ITIH3: variants seen among roughly 807,000 people sequenced by gnomAD.
ITIH3 encodes the protein inter-alpha-trypsin inhibitor heavy chain H3.
A neutral mutation model predicts 96.5 loss-of-function variants in ITIH3; 81 were observed. That is an observed-to-expected ratio of 0.84 (90% CI 0.70 to 1.01). The LOEUF (loss-of-function observed/expected upper bound fraction) is 1.01. ITIH3 is among the 50% of genes least tolerant of loss of function. The pLI, the probability that ITIH3 is intolerant of heterozygous loss-of-function variation, is 0.00. For missense variants in ITIH3, 1,057 were observed against 1,139.3 expected, an observed-to-expected ratio of 0.93 and a Z score of 1.04; for synonymous variants, 422 against 445.2, an observed-to-expected ratio of 0.95 and a Z score of 0.66.
In ITIH3 at chr3:52,798,988, G is replaced by T; in HGVS notation, c.686G>T (p.Ser229Ile). Residue 229 changes from serine (S) to isoleucine (I), a missense_variant, in exon 7 of 22, where the codon AGC becomes ATC. Coordinates refer to ENST00000449956, the MANE Select transcript of ITIH3 (RefSeq NM_002217.4). Reference sequence around the variant, plus strand: ...TAGGGCCATGTGTCCTTCAAGCCCAGCTTAGACCAACAGCGTTCATGCCCA... The same window carrying T: ...TAGGGCCATGTGTCCTTCAAGCCCATCTTAGACCAACAGCGTTCATGCCCA... ...GKKGHVSFKP[S>I]LDQQRSCPTC... 1.2e-6 allele frequency: 2 copies of T among 1,613,518 alleles called. No homozygotes were observed. The highest frequency in any genetic ancestry group is 1.7e-6 in the Non-Finnish European group (2 of 1,179,704).
At chr3:52,807,201 T>C (rs1249083996) in intron 19 of ITIH3, 96 bp downstream of exon 19, 5 of 1,088,232 alleles carry the variant, frequency 4.6e-6, no homozygotes, top group Non-Finnish European at 5.3e-6. Flanking sequence ...AGGAGATCCA[T>C]GGGGGTCACA....
intron 15 of ITIH3, 182 bp downstream of exon 15, chr3:52,804,916 G>A (rs9311482): frequency 0.034 from 22,760 of 668,440 alleles, 1,898 homozygotes; most frequent in African/African-American, 0.22. Context: ...GGATCCCTGT[G>A]AGTTAATTGG....
intron 11 of ITIH3, among the ~76,000 whole-genome samples, chr3:52,801,649 T>A (rs1329616707): frequency 6.6e-6 from 1 of 152,192 alleles, no homozygotes; most frequent in Non-Finnish European, 1.5e-5. Flanking sequence ...TCTGCACATG[T>A]CTTCCCTCTG....
At chr3:52,795,494 G>A in intron 1 of ITIH3, 109 bp from the exon 2 acceptor site, 3 of 1,173,566 alleles carry the variant, frequency 2.6e-6, no homozygotes, top group Non-Finnish European at 3.7e-6. Flanking sequence ...TGTGTGGGGG[G>A]CAGGGCACCA....
intron 16 of ITIH3, 96 bp downstream of exon 16, chr3:52,805,936 A>G: frequency 6.5e-7 from 1 of 1,541,282 alleles, no homozygotes; most frequent in Non-Finnish European, 8.9e-7. Flanking sequence ...GCTCTCCGGG[A>G]TGGGCAGATG....
At chr3:52,808,300 C>A in intron 21 of ITIH3, 79 bp downstream of exon 21, 1 of 1,268,730 alleles carries the variant, frequency 7.9e-7, no homozygotes. Context: ...GCACATTAGT[C>A]TGGTGGGCTT....
At position 52,800,237 on chromosome 3, in the gene ITIH3, C is replaced by A. The variant is rs1578755321; in HGVS notation, c.1076-301C>A. 1.7e-5 allele frequency: 9 copies of A among 532,146 alleles called. No individual in the cohort carries two copies. The East Asian group carries it at 2.9e-4, about 17-fold the overall frequency. The allele number at this position is 532,146 out of a possible 1,614,324, so 33.0% of individuals were successfully genotyped here. On this transcript the variant is annotated intron_variant, in intron 9 of 21. Transcript: ENST00000449956. ...AAAATGGCACGATGTCTACACTGCT[C>A]CCCTCTCCTCCCAGCAAGAGGTACT...
chr3:52,801,034 A>T lies in ITIH3; in HGVS notation c.1271A>T (p.Asn424Ile). ...NAIGGKFPLY[N>I]LGFGNNLNYN... ...ATCGGGGGCAAGTTCCCCTTGTATA[A>T]CCTGGGCTTTGGCAACAATCTGAAT... Residue 424 changes from asparagine to isoleucine, a missense_variant, in exon 11 of 22, where the codon AAC (asparagine) becomes ATC (isoleucine). Physicochemically the swap from Asn to Ile is moderately radical, Grantham distance 149. Transcript: ENST00000449956. 1 of 1,614,020 alleles carries T rather than the reference A, an allele frequency of 6.2e-7. No homozygotes were observed. Among genetic ancestry groups the T allele is most frequent in the Non-Finnish European group, 8.5e-7 (1 of 1,179,880 alleles).
chr3:52,800,659 T>G lies in ITIH3; in HGVS notation c.1197T>G (p.Asn399Lys), dbSNP rs770113157. Residue 399 changes from asparagine (N) to lysine (K), a missense_variant, in exon 10 of 22, where the codon AAT (asparagine) becomes AAG (lysine). Physicochemically the swap from Asn to Lys is moderately conservative, Grantham distance 94 (BLOSUM62 0). Transcript: ENST00000449956. ...TCATGCTGACTGATGGGGATGCCAA[T>G]GTTGGTGAGGAGCACGGGCATGGTT... ...IVIMLTDGDA[N>K]VGESRPEKIQ... The G allele has an allele frequency of 1.1e-5, 17 of 1,598,460 alleles. No individual in the cohort carries two copies. Among genetic ancestry groups the G allele is most frequent in the Non-Finnish European group, 6.8e-6 (8 of 1,172,768 alleles).
chr3:52,807,227 C>T (rs1700090993), intron 19 of ITIH3, 122 bp downstream of exon 19: 1 of 881,644 alleles, frequency 1.1e-6, no homozygotes, highest in African/African-American at 1.7e-5. Context: ...GATCAGAGAC[C>T]CCAGAATCCA....
intron 1 of ITIH3, 57 bp from the exon 2 acceptor site, chr3:52,795,546 G>C: frequency 6.4e-7 from 1 of 1,574,508 alleles, no homozygotes; most frequent in African/African-American, 1.3e-5. Flanking sequence ...AGGCCATGCG[G>C]CCTTGGTGTT....
chr3:52,807,610 G>A (rs1463531512), intron 19 of ITIH3, 137 bp from the exon 20 acceptor site: 4 of 728,062 alleles, frequency 5.5e-6, no homozygotes, highest in East Asian at 2.7e-5. Context: ...TCTTTCCAAC[G>A]CCCCTGAGAT....
rs775707055 is a variant in ITIH3, at chr3:52,800,547, T to A, written c.1085T>A (p.Ile362Asn). Residue 362 changes from isoleucine (I) to asparagine (N), a missense_variant, in exon 10 of 22, where the codon ATC becomes AAC. Transcript: ENST00000449956. ...KSMEDKGMTN[I>N]NDGLLRGISM... ...TCTGTCTGTGTCCCAGTGACCAACA[T>A]CAATGACGGGCTGCTGAGGGGCATC... is the stretch of plus-strand genomic sequence containing the variant. The A allele has an allele frequency of 6.4e-7, 1 of 1,554,866 alleles. No homozygotes were observed.
In ITIH3 at chr3:52,798,853, C is replaced by G. The variant is rs865803805; in HGVS notation, c.664-113C>G. 4 of 1,359,770 alleles carry G rather than the reference C, an allele frequency of 2.9e-6. No individual in the cohort carries two copies. The South Asian group carries it at 4.0e-5, about 14-fold the overall frequency. The allele number at this position is 1,359,770 out of a possible 1,614,324, so 84.2% of individuals were successfully genotyped here. A position where few individuals can be genotyped will look rare whatever the true frequency, so the allele number is the denominator to read the frequency against. Reference sequence around the variant, plus strand: ...CCAGCTCTTGCTAGCCTCTGCCCTGCCAAGGGCTCCTCCCTGTGAGGCTGC... The same window carrying G: ...CCAGCTCTTGCTAGCCTCTGCCCTGGCAAGGGCTCCTCCCTGTGAGGCTGC... On this transcript the variant is annotated intron_variant, in intron 6 of 21. Transcript: ENST00000449956.
At position 52,807,910 on chromosome 3, in the gene ITIH3, CT is replaced by C; in HGVS notation, c.2426del (p.Leu809ArgfsTer31). On this transcript the variant is annotated frameshift_variant, in exon 20 of 22. Transcript: ENST00000449956. LOFTEE classifies it high-confidence loss of function. ...CCGGATGTCAGCACAGACGCATGGGCTGCTGGGTACGAAGTGTTCAGACTGC... is the reference window on the plus strand; with the variant it reads ...CCGGATGTCAGCACAGACGCATGGGCGCTGGGTACGAAGTGTTCAGACTGC... ...SHRMSAQTHG[L>X]LGQFFQPFDF... is the part of the protein sequence containing the mutation. The C allele has an allele frequency of 6.2e-7, 1 of 1,612,382 alleles. No individual in the cohort carries two copies. The highest frequency in any genetic ancestry group is 2.2e-5 in the East Asian group (1 of 44,878).
chr3:52,806,798 C>A (rs1700066678), intron 18 of ITIH3, 103 bp from the exon 19 acceptor site: 1 of 906,700 alleles, frequency 1.1e-6, no homozygotes, highest in Non-Finnish European at 1.7e-6. Flanking sequence ...CCCCGCTCTG[C>A]TGCCCCTCAG....
rs1700046936 is a variant in ITIH3 at position 52,806,350 on chromosome 3, T to C, written c.2000T>C (p.Phe667Ser). The C allele has an allele frequency of 6.2e-7, 1 of 1,613,822 alleles. No homozygotes were observed. The highest frequency in any genetic ancestry group is 8.5e-7 in the Non-Finnish European group (1 of 1,179,864). ...QIPEKDDALC[F>S]NIDEAPGTVL... Reference sequence around the variant, plus strand: ...CCGGAGAAAGACGATGCCCTCTGCTTCAACATCGATGAAGCCCCAGGCACA... The same window carrying C: ...CCGGAGAAAGACGATGCCCTCTGCTCCAACATCGATGAAGCCCCAGGCACA... The change falls in exon 18 of 22, where the codon TTC becomes TCC. Residue 667 changes from phenylalanine (F) to serine (S), a missense_variant. Phe to Ser is a radical substitution (Grantham distance 155). Transcript: ENST00000449956.
Position 52,805,840 on chromosome 3 carries a change from A to C in ITIH3, c.1906A>C (p.Thr636Pro). The C allele has an allele frequency of 6.2e-7, 1 of 1,613,726 alleles. No individual in the cohort carries two copies. Among genetic ancestry groups the C allele is most frequent in the Non-Finnish European group, 8.5e-7 (1 of 1,179,740 alleles). ...GGTGAGCCCCGCCATGTCCTACCTGAGTGAGTACATGCTGGCAGCTGCCAC... is the reference window on the plus strand; with the variant it reads ...GGTGAGCCCCGCCATGTCCTACCTGCGTGAGTACATGCTGGCAGCTGCCAC... ...TPVSPAMSYL[T>P]SYQPPQNPYY... Residue 636 changes from threonine to proline, a missense_variant and splice_region_variant, in exon 16 of 22, where the codon ACC becomes CCC. Physicochemically the swap from Thr to Pro is conservative, Grantham distance 38. Coordinates refer to ENST00000449956, the MANE Select transcript of ITIH3 (RefSeq NM_002217.4).
intron 19 of ITIH3, among the ~76,000 whole-genome samples, chr3:52,807,416 C>G (rs1700097857): frequency 6.6e-6 from 1 of 152,318 alleles, no homozygotes; most frequent in Middle Eastern, 3.4e-3. Context: ...GTCTTCAGAT[C>G]CCCCAGAGCC....
Sources: gnomAD v4.1 joint callset for allele counts (sites outside exome capture counted in the v4.1 genomes callset) on GRCh38, gnomAD v4.1.1 for gene constraint, MANE v1.5 for transcripts, NCBI Gene and HGNC (gene_info 2026-07-23, HGNC 2026-07-21) for gene names.